Variants in PAK3 observed in about 807,000 individuals in gnomAD.
PAK3 encodes the protein p21 (RAC1) activated kinase 3, also known as serine/threonine-protein kinase PAK 3.
PAK3 carries 4 observed loss-of-function variants against 41.0 expected under a neutral mutation model. The observed-to-expected ratio is 0.10, with a 90% confidence interval of 0.05 to 0.22. The LOEUF (loss-of-function observed/expected upper bound fraction) is 0.22, where lower values mean the gene tolerates loss of function less well. PAK3 is among the 10% of genes least tolerant of loss of function. PAK3 has a pLI of 1.00. For missense variants in PAK3, 205 were observed against 409.9 expected (o/e 0.50, Z 4.32); for synonymous variants, 146 against 139.6 (o/e 1.05, Z -0.32).
At chrX:111,006,851 T>TTCTTTCTTTCTTTC (rs1204073502) in intron 1 of PAK3, among the ~76,000 whole-genome samples, 4 of 92,387 alleles carry the variant, frequency 4.3e-5, no homozygotes, top group Admixed American at 2.5e-4. Flanking sequence ...CTTTCTTTCT[T>TTCTTTCTTTCTTTC]TTTTTTTTTT....
intron 1 of PAK3, among the ~76,000 whole-genome samples, chrX:110,966,556 T>C (rs1353206777): frequency 9.0e-6 from 1 of 111,140 alleles, no homozygotes; most frequent in African/African-American, 3.3e-5. Flanking sequence ...GAAGAAAAAA[T>C]AGTCAAGACA....
intron 1 of PAK3, among the ~76,000 whole-genome samples, chrX:111,034,617 A>G (rs2092374642): frequency 9.0e-6 from 1 of 111,516 alleles, no homozygotes; most frequent in African/African-American, 3.3e-5. Flanking sequence ...TCCCCATGAC[A>G]ACATCTGCAT....
chrX:111,043,956 C>T (rs5942712), intron 1 of PAK3, among the ~76,000 whole-genome samples: 3,447 of 112,223 alleles, frequency 0.031, 74 homozygotes, highest in Middle Eastern at 0.06. Flanking sequence ...GCTTACTCAT[C>T]TCTTTAGGTT....
chrX:111,050,661 C>T (rs1038763806), intron 1 of PAK3, among the ~76,000 whole-genome samples: 2 of 111,961 alleles, frequency 1.8e-5, no homozygotes, highest in African/African-American at 3.2e-5. Flanking sequence ...CTTCACCTCA[C>T]GAGCAGCTGT....
chrX:111,103,772 C>T (rs1039056046), intron 4 of PAK3, among the ~76,000 whole-genome samples: 1 of 111,447 alleles, frequency 9.0e-6, no homozygotes, highest in Non-Finnish European at 1.9e-5. Context: ...TACCCCCACC[C>T]CTTCCATCCC....
intron 1 of PAK3, among the ~76,000 whole-genome samples, chrX:111,082,605 T>C (rs1468740186): frequency 1.8e-5 from 2 of 111,359 alleles, no homozygotes; most frequent in Admixed American, 9.6e-5. Flanking sequence ...TTTGTGATGT[T>C]ACTTTGGAAG....
intron 17 of PAK3, chrX:111,217,736 T>C: frequency 2.2e-6 from 1 of 448,848 alleles, no homozygotes; most frequent in Non-Finnish European, 2.8e-6. Flanking sequence ...CTCTAATTAA[T>C]CCAGCCTCAA....
Position 110,955,619 on chromosome X carries a change from A to C in PAK3, c.-28+10991A>C, listed in dbSNP as rs751542868. On this transcript the variant is annotated intron_variant, in intron 1 of 14. Transcript: ENST00000425146. ...TGCCACTACCCTCCAGCCTGGGCAAAAGAGTGAGACCCTGTCTCTTGATAA... is the reference window on the plus strand; with the variant it reads ...TGCCACTACCCTCCAGCCTGGGCAACAGAGTGAGACCCTGTCTCTTGATAA... 5.4e-5 allele frequency among the ~76,000 whole-genome samples: 6 copies of C among 111,616 alleles called. No homozygotes were observed. In the South Asian group the frequency reaches 2.3e-3, roughly 43 times the overall value.
At chrX:111,217,043 G>T (rs1272871302) in intron 17 of PAK3, 7 of 750,796 alleles carry the variant, frequency 9.3e-6, no homozygotes, top group Non-Finnish European at 1.1e-5. Context: ...GAGTGCCTCT[G>T]TAACCATTTG....
intron 5 of PAK3, 125 bp from the exon 6 acceptor site, chrX:111,141,971 T>G (rs1441705472): frequency 1.9e-6 from 1 of 526,215 alleles, no homozygotes; most frequent in East Asian, 3.3e-5. Flanking sequence ...GAGTTAAGTG[T>G]TGTTAAAATT....
chrX:111,190,898 A>G (rs1376393422), intron 11 of PAK3, among the ~76,000 whole-genome samples: 1 of 112,293 alleles, frequency 8.9e-6, no homozygotes, highest in Admixed American at 9.4e-5. Context: ...TTTATTCACT[A>G]AAAGCGAAAT....
Position 111,220,998 on chromosome X carries a change from C to T in PAK3, c.*551C>T, listed in dbSNP as rs868527730. The T allele has an allele frequency of 1.2e-5, 1 of 80,913 alleles. No homozygotes were observed. The highest frequency in any genetic ancestry group is 5.2e-5 in the African/African-American group (1 of 19,103). 6.7% of individuals were successfully genotyped at this position (80,913 alleles called of 1,213,427 possible). On this transcript the variant is annotated 3_prime_UTR_variant, in exon 18 of 18. Transcript: ENST00000372007. The stretch of plus-strand genomic sequence containing the variant: ...CAAAAACAAAACAAAAACAAGCAAA[C>T]AAAAAATACCAGAGCAAGTACTGTG...
chrX:111,023,736 G>A (rs1183243414), intron 1 of PAK3, among the ~76,000 whole-genome samples: 2 of 111,539 alleles, frequency 1.8e-5, no homozygotes, highest in Admixed American at 9.5e-5. Flanking sequence ...TTTTTGATGG[G>A]GTTGTTTGTT....
At chrX:111,142,817 T>C (rs2093890570) in intron 6 of PAK3, among the ~76,000 whole-genome samples, 1 of 111,163 alleles carries the variant, frequency 9.0e-6, no homozygotes, top group Non-Finnish European at 1.9e-5. Context: ...TATCTCTCTC[T>C]AGAGATGTCA....
intron 1 of PAK3, among the ~76,000 whole-genome samples, chrX:111,089,645 C>T (rs1234206715): frequency 8.2e-5 from 9 of 110,248 alleles, no homozygotes; most frequent in East Asian, 2.9e-4. Flanking sequence ...GGAGGAAAGG[C>T]ACAGAGATAT....
upstream of PAK3, among the ~76,000 whole-genome samples, chrX:111,094,014 T>G (rs1281848977): frequency 8.9e-6 from 1 of 111,808 alleles, no homozygotes; most frequent in Non-Finnish European, 1.9e-5. Flanking sequence ...TTACATTCAT[T>G]TTGATTTGTG....
chrX:111,040,319 G>A (rs2092441512), intron 1 of PAK3, among the ~76,000 whole-genome samples: 1 of 111,762 alleles, frequency 8.9e-6, no homozygotes, highest in Non-Finnish European at 1.9e-5. Context: ...TGTAGGTAAA[G>A]CACTTAGCAC....
chrX:111,214,845 G>T (rs1276532923), intron 16 of PAK3, among the ~76,000 whole-genome samples: 1 of 111,666 alleles, frequency 9.0e-6, no homozygotes, highest in Admixed American at 9.5e-5. Context: ...AAGGGGAAAG[G>T]GGATGATAAT....
intron 1 of PAK3, among the ~76,000 whole-genome samples, chrX:111,035,557 C>T (rs895935854): frequency 9.0e-6 from 1 of 111,600 alleles, no homozygotes; most frequent in African/African-American, 3.3e-5. Context: ...GCTGTGGTCA[C>T]GGCTGTGAAA....
Sources: gnomAD v4.1 joint callset for allele counts (sites outside exome capture counted in the v4.1 genomes callset) on GRCh38, gnomAD v4.1.1 for gene constraint, MANE v1.5 for transcripts, NCBI Gene and HGNC (gene_info 2026-07-23, HGNC 2026-07-21) for gene names.